The following RPRD1A variants were observed in gnomAD, a reference collection of about 807,000 sequenced individuals.
RPRD1A encodes regulation of nuclear pre-mRNA domain-containing protein 1A.
Under a neutral mutation model 37.8 loss-of-function variants are expected in RPRD1A, and 9 were observed. That is an observed-to-expected ratio of 0.24 (90% CI 0.14 to 0.42). The LOEUF (loss-of-function observed/expected upper bound fraction) is 0.42. Among genes scored for constraint, RPRD1A ranks in the 10% least tolerant of loss-of-function variants. The probability of loss-of-function intolerance (pLI) is 1.00; values close to 1 mark genes in which losing one functional copy is unlikely to be tolerated. For missense variants in RPRD1A, 255 were observed against 371.0 expected (o/e 0.69, Z 2.57); for synonymous variants, 138 against 139.7 (o/e 0.99, Z 0.08).
intron 1 of RPRD1A, among the ~76,000 whole-genome samples, chr18:36,063,231 T>C (rs573095135): frequency 4.6e-4 from 70 of 152,028 alleles, no homozygotes; most frequent in African/African-American, 1.6e-3. Context: ...GTCGCCCAGG[T>C]TGGAGTGCAG....
intron 6 of RPRD1A, chr18:36,025,649 A>C: frequency 7.8e-7 from 1 of 1,289,032 alleles, no homozygotes; most frequent in African/African-American, 1.5e-5. Flanking sequence ...TGGTGACGAC[A>C]TCGTTAGAAG....
chr18:36,050,883 T>C (rs1281650410), intron 1 of RPRD1A, among the ~76,000 whole-genome samples: 2 of 151,086 alleles, frequency 1.3e-5, no homozygotes, highest in Non-Finnish European at 2.9e-5. Flanking sequence ...TTTTTTTTAC[T>C]GCTTTTAATG....
At chr18:36,025,675 A>T in intron 6 of RPRD1A, 2 of 1,283,464 alleles carry the variant, frequency 1.6e-6, no homozygotes, top group Non-Finnish European at 2.0e-6. Flanking sequence ...CCCATGTCCA[A>T]TATCTGCAAC....
chr18:36,039,115 T>C (rs1328438799), intron 1 of RPRD1A, among the ~76,000 whole-genome samples: 1 of 152,120 alleles, frequency 6.6e-6, no homozygotes, highest in African/African-American at 2.4e-5. Flanking sequence ...ACATGAGATT[T>C]GGGAGGGGCC....
intron 1 of RPRD1A, chr18:36,040,808 G>A (rs1912527138): frequency 2.0e-6 from 3 of 1,509,936 alleles, no homozygotes; most frequent in East Asian, 2.5e-5. Flanking sequence ...TTCACTTACA[G>A]TAAATTCCTG....
intron 6 of RPRD1A, among the ~76,000 whole-genome samples, chr18:35,998,564 C>T (rs992174849): frequency 6.6e-6 from 1 of 152,114 alleles, no homozygotes; most frequent in Non-Finnish European, 1.5e-5. Context: ...TCACCACTAC[C>T]ACCCTAAAGC....
chr18:36,024,009 T>C (rs1911186221), intron 6 of RPRD1A, among the ~76,000 whole-genome samples: 1 of 152,194 alleles, frequency 6.6e-6, no homozygotes, highest in Admixed American at 6.5e-5. Flanking sequence ...CCTTCCAAGA[T>C]AATAAGCTAA....
At chr18:36,032,431 C>A (rs1455362966) in intron 2 of RPRD1A, among the ~76,000 whole-genome samples, 6 of 152,244 alleles carry the variant, frequency 3.9e-5, no homozygotes, top group Admixed American at 3.3e-4. Flanking sequence ...GGAATAAATG[C>A]GAGACAGAGG....
At chr18:36,052,052 G>A (rs1287206467) in intron 1 of RPRD1A, among the ~76,000 whole-genome samples, 1 of 151,124 alleles carries the variant, frequency 6.6e-6, no homozygotes, top group Non-Finnish European at 1.5e-5. Flanking sequence ...CAAAGACAAC[G>A]AGAATCTTGA....
intron 6 of RPRD1A, among the ~76,000 whole-genome samples, chr18:36,021,808 T>C (rs1313761844): frequency 6.6e-6 from 1 of 152,128 alleles, no homozygotes; most frequent in African/African-American, 2.4e-5. Context: ...AAGACCAGCT[T>C]GGGCAACATA....
At chr18:36,054,455 C>T (rs1598663902) in intron 1 of RPRD1A, among the ~76,000 whole-genome samples, 1 of 152,174 alleles carries the variant, frequency 6.6e-6, no homozygotes, top group Non-Finnish European at 1.5e-5. Flanking sequence ...GATGCCACTG[C>T]ACTCCAGCCT....
intron 6 of RPRD1A, among the ~76,000 whole-genome samples, chr18:36,017,131 G>A (rs1910643157): frequency 6.6e-6 from 1 of 152,124 alleles, no homozygotes; most frequent in South Asian, 2.1e-4. Context: ...GCAACACGGT[G>A]AAACACTGTC....
chr18:36,002,284 T>C (rs1280366331), intron 6 of RPRD1A, among the ~76,000 whole-genome samples: 1 of 152,230 alleles, frequency 6.6e-6, no homozygotes, highest in Non-Finnish European at 1.5e-5. Context: ...GGCTGTTCTA[T>C]TTGTGGGGAC....
At chr18:35,997,398 A>G (rs557547155) in intron 6 of RPRD1A, among the ~76,000 whole-genome samples, 59 of 152,362 alleles carry the variant, frequency 3.9e-4, no homozygotes, top group African/African-American at 1.4e-3. Context: ...ATGTCAAAAA[A>G]GAGGGAAAAA....
chr18:36,061,933 T>C (rs1021270874), intron 1 of RPRD1A, among the ~76,000 whole-genome samples: 2 of 152,196 alleles, frequency 1.3e-5, no homozygotes, highest in Non-Finnish European at 2.9e-5. Flanking sequence ...TACCACTTCA[T>C]ACCCACTAGG....
chr18:35,998,851 C>T (rs1427826906), intron 6 of RPRD1A, among the ~76,000 whole-genome samples: 2 of 152,164 alleles, frequency 1.3e-5, no homozygotes, highest in African/African-American at 4.8e-5. Context: ...CTTCTTTACA[C>T]TGCTATAATA....
chr18:36,005,179 T>C (rs1598601127), intron 6 of RPRD1A, among the ~76,000 whole-genome samples: 1 of 152,060 alleles, frequency 6.6e-6, no homozygotes, highest in Non-Finnish European at 1.5e-5. Context: ...CGGGCGCCTG[T>C]AGTCCCAGCT....
At chr18:35,996,652 C>T (rs902711522) in intron 6 of RPRD1A, among the ~76,000 whole-genome samples, 3 of 152,066 alleles carry the variant, frequency 2.0e-5, no homozygotes, top group African/African-American at 7.2e-5. Context: ...TCCAGAATAG[C>T]AGTTGTATTA....
chr18:36,027,500 A>G, intron 4 of RPRD1A, 190 bp from the exon 5 acceptor site: 1 of 566,540 alleles, frequency 1.8e-6, no homozygotes, highest in Non-Finnish European at 3.1e-6. Flanking sequence ...TAGGTGTTGA[A>G]AATATAAACA....
Sources: allele counts gnomAD v4.1 joint callset (sites outside exome capture counted in the v4.1 genomes callset), GRCh38; gene constraint gnomAD v4.1.1; transcripts MANE v1.5; gene names NCBI Gene and HGNC (gene_info 2026-07-23, HGNC 2026-07-21).